Variants in FAM169A observed in about 807,000 individuals in gnomAD.
The protein encoded by FAM169A is family with sequence similarity 169 member A.
A neutral mutation model predicts 75.7 loss-of-function variants in FAM169A; 24 were observed. The observed-to-expected ratio is 0.32, with a 90% CI of 0.23 to 0.45. FAM169A has a LOEUF of 0.45. Among genes scored for constraint, FAM169A ranks in the 20% least tolerant of loss-of-function variants. The pLI, the probability that FAM169A is intolerant of heterozygous loss-of-function variation, is 1.00. For missense variants in FAM169A, 673 were observed against 784.0 expected (o/e 0.86, Z 1.69); for synonymous variants, 271 against 271.0 (o/e 1.00, Z 0.00).
At chr5:74,866,886 C>T (rs1196713230), upstream of FAM169A, 1 of 985,354 alleles carries the variant, frequency 1.0e-6, no homozygotes, top group African/African-American at 1.7e-5. Context: ...GGACCGCCGG[C>T]CTCCGCCCCA....
At chr5:74,812,468 T>C (rs1461134643) in intron 6 of FAM169A, among the ~76,000 whole-genome samples, 1 of 151,006 alleles carries the variant, frequency 6.6e-6, no homozygotes, top group Admixed American at 6.6e-5. Context: ...TTAATTGAGG[T>C]GAGGTCTCAC....
At chr5:74,783,428 A>G (rs1401755188) in intron 11 of FAM169A, among the ~76,000 whole-genome samples, 2 of 152,136 alleles carry the variant, frequency 1.3e-5, no homozygotes, top group African/African-American at 2.4e-5. Flanking sequence ...CAATGAAAAG[A>G]CCCTACCCAC....
intron 11 of FAM169A, among the ~76,000 whole-genome samples, chr5:74,784,714 C>G (rs1047666888): frequency 1.3e-5 from 2 of 148,382 alleles, no homozygotes; most frequent in Non-Finnish European, 3.0e-5. Context: ...GTCAGGAGAT[C>G]GAGACCATCC....
intron 8 of FAM169A, among the ~76,000 whole-genome samples, chr5:74,803,959 A>C (rs572180537): frequency 9.2e-5 from 14 of 152,278 alleles, no homozygotes; most frequent in African/African-American, 3.1e-4. Flanking sequence ...TTAAAAATTT[A>C]AGGATCCTAT....
intron 11 of FAM169A, among the ~76,000 whole-genome samples, chr5:74,786,115 C>A (rs1745683544): frequency 6.6e-6 from 1 of 152,176 alleles, no homozygotes. Context: ...CATCTTTCTC[C>A]TGTGCTGGAT....
chr5:74,841,417 A>C, intron 2 of FAM169A, 128 bp downstream of exon 2: 1 of 687,070 alleles, frequency 1.5e-6, no homozygotes, highest in Non-Finnish European at 2.3e-6. Flanking sequence ...CATTTTACTG[A>C]ATAGATTTCT....
At chr5:74,817,176 G>C (rs1561305105) in intron 5 of FAM169A, among the ~76,000 whole-genome samples, 1 of 151,900 alleles carries the variant, frequency 6.6e-6, no homozygotes, top group Non-Finnish European at 1.5e-5. Context: ...ATTCGACATT[G>C]TACTAGAGGA....
At chr5:74,830,083 T>C (rs920709272) in intron 5 of FAM169A, among the ~76,000 whole-genome samples, 2 of 152,182 alleles carry the variant, frequency 1.3e-5, no homozygotes, top group Admixed American at 6.5e-5. Context: ...ATCAACTTTG[T>C]TAATCTAATG....
chr5:74,797,943 G>A (rs1746363908), intron 10 of FAM169A, among the ~76,000 whole-genome samples: 2 of 152,144 alleles, frequency 1.3e-5, no homozygotes, highest in African/African-American at 4.8e-5. Context: ...AGCTTAATGA[G>A]CATGGGTGTC....
intron 11 of FAM169A, among the ~76,000 whole-genome samples, chr5:74,793,471 A>C (rs1030623154): frequency 6.6e-6 from 1 of 152,206 alleles, no homozygotes. Context: ...AAAACCAAAC[A>C]TCGTATGTTC....
At chr5:74,861,773 G>T (rs1452009939) in intron 1 of FAM169A, among the ~76,000 whole-genome samples, 1 of 152,090 alleles carries the variant, frequency 6.6e-6, no homozygotes, top group Non-Finnish European at 1.5e-5. Context: ...ACTTATTGAA[G>T]TCATCCTTTC....
chr5:74,797,957 CA>C (rs908829022), intron 10 of FAM169A, among the ~76,000 whole-genome samples: 3 of 152,150 alleles, frequency 2.0e-5, no homozygotes, highest in South Asian at 2.1e-4. Flanking sequence ...GGGTGTCTTA[CA>C]AAAAAATTTT....
chr5:74,799,671 C>A (rs1746460134), intron 10 of FAM169A: 2 of 1,289,264 alleles, frequency 1.6e-6, no homozygotes, highest in Non-Finnish European at 2.3e-6. Flanking sequence ...GCCACGACAG[C>A]ACCATGTCTG....
At chr5:74,810,964 C>T (rs924920248) in intron 6 of FAM169A, among the ~76,000 whole-genome samples, 3 of 145,036 alleles carry the variant, frequency 2.1e-5, no homozygotes, top group Non-Finnish European at 4.5e-5. Flanking sequence ...GCGCACACCA[C>T]TAGGCCTGGA....
At chr5:74,795,147 A>G (rs1223725160) in intron 11 of FAM169A, among the ~76,000 whole-genome samples, 2 of 152,060 alleles carry the variant, frequency 1.3e-5, no homozygotes, top group African/African-American at 2.4e-5. Flanking sequence ...AATCCCAGCT[A>G]CTTGGAAGAC....
chr5:74,797,410 G>C (rs1399678631), intron 10 of FAM169A, among the ~76,000 whole-genome samples: 3 of 151,896 alleles, frequency 2.0e-5, no homozygotes, highest in African/African-American at 7.3e-5. Flanking sequence ...CTCCTGACCT[G>C]AGGTGATCCA....
chr5:74,837,716 G>A (rs1431632448), intron 4 of FAM169A, among the ~76,000 whole-genome samples: 2 of 152,072 alleles, frequency 1.3e-5, no homozygotes, highest in Non-Finnish European at 2.9e-5. Flanking sequence ...CAAAAAAAAT[G>A]AACAGTAGCT....
chr5:74,851,965 T>C (rs1749466394), intron 1 of FAM169A, among the ~76,000 whole-genome samples: 1 of 152,234 alleles, frequency 6.6e-6, no homozygotes, highest in African/African-American at 2.4e-5. Flanking sequence ...ATATGTTCAC[T>C]GTTGTAGATA....
intron 11 of FAM169A, among the ~76,000 whole-genome samples, chr5:74,786,010 T>C (rs1458753941): frequency 6.6e-6 from 1 of 152,162 alleles, no homozygotes. Flanking sequence ...ACCCTCAATC[T>C]GGGTGGGCAC....
Sources: gnomAD v4.1 joint callset for allele counts (sites outside exome capture counted in the v4.1 genomes callset) on GRCh38, gnomAD v4.1.1 for gene constraint, MANE v1.5 for transcripts, NCBI Gene and HGNC (gene_info 2026-07-23, HGNC 2026-07-21) for gene names.